The following HECTD2 variants were observed in gnomAD, a reference collection of about 807,000 sequenced individuals.
The protein encoded by HECTD2 is HECT domain E3 ubiquitin protein ligase 2, also known as probable E3 ubiquitin-protein ligase HECTD2.
Under a neutral mutation model 103.2 loss-of-function variants are expected in HECTD2, and 35 were observed. That is an observed-to-expected ratio of 0.34 (90% CI 0.26 to 0.45). The LOEUF (loss-of-function observed/expected upper bound fraction) is 0.45, where lower values mean the gene tolerates loss of function less well. HECTD2 is among the 20% of genes least tolerant of loss of function. The pLI, the probability that HECTD2 is intolerant of heterozygous loss-of-function variation, is 1.00. For synonymous variants in HECTD2, 281 were observed against 329.9 expected (o/e 0.85, Z 1.61); for missense variants, 596 against 937.4 (o/e 0.64, Z 4.76).
rs568776981 is a variant in HECTD2 at position 91,514,812 on chromosome 10, T to C, written c.*2428T>C. ...TTGGGCAATTAATTAAAGCCATATG[T>C]TTAAAATATTTTATAAATGCAAGCT... On this transcript the variant is annotated 3_prime_UTR_variant, in exon 21 of 21. Coordinates refer to ENST00000298068, the MANE Select transcript of HECTD2 (RefSeq NM_182765.6). 2 of 152,542 alleles carry C rather than the reference T, an allele frequency of 1.3e-5. No homozygotes were observed. The highest frequency in any genetic ancestry group is 4.8e-5 in the African/African-American group (2 of 41,588). 9.4% of individuals were successfully genotyped at this position (152,542 alleles called of 1,614,324 possible).
intron 2 of HECTD2, among the ~76,000 whole-genome samples, chr10:91,429,800 T>A (rs915287263): frequency 1.3e-5 from 2 of 152,202 alleles, no homozygotes; most frequent in Admixed American, 1.3e-4. Context: ...TAGCGGTCTA[T>A]CAATTTTGTT....
At chr10:91,479,779 C>T (rs968149248) in intron 6 of HECTD2, among the ~76,000 whole-genome samples, 1 of 152,130 alleles carries the variant, frequency 6.6e-6, no homozygotes, top group Non-Finnish European at 1.5e-5. Context: ...ATGTATACTT[C>T]TAACAGCAGA....
intron 5 of HECTD2, among the ~76,000 whole-genome samples, chr10:91,470,194 C>T (rs1319869475): frequency 6.6e-6 from 1 of 152,158 alleles, no homozygotes; most frequent in Non-Finnish European, 1.5e-5. Flanking sequence ...GGGACCTGAA[C>T]TTGTCATTTG....
chr10:91,413,016 A>G (rs1842986584), intron 1 of HECTD2, among the ~76,000 whole-genome samples: 1 of 152,120 alleles, frequency 6.6e-6, no homozygotes, highest in Non-Finnish European at 1.5e-5. Context: ...TTTCTTTGAG[A>G]CATTCCAGTG....
intron 11 of HECTD2, chr10:91,489,778 C>A (rs1299715810): frequency 6.6e-6 from 1 of 152,038 alleles, no homozygotes; most frequent in East Asian, 1.9e-4. Context: ...GGAGAAAGCT[C>A]CAAATTAGTG....
chr10:91,480,542 T>A (rs1199238916), intron 6 of HECTD2, among the ~76,000 whole-genome samples: 1 of 152,076 alleles, frequency 6.6e-6, no homozygotes, highest in African/African-American at 2.4e-5. Flanking sequence ...AAACACTCAT[T>A]AGCCTTGAGA....
intron 2 of HECTD2, among the ~76,000 whole-genome samples, chr10:91,438,258 G>A (rs1264176689): frequency 2.0e-5 from 3 of 152,096 alleles, no homozygotes. Context: ...ACAGGTCCTG[G>A]TGTGTGATGT....
In HECTD2 at chr10:91,429,404, G is replaced by A. The variant is rs972457716; in HGVS notation, c.268+3994G>A. Among the ~76,000 whole-genome samples the A allele has an allele frequency of 4.3e-4, 66 of 152,022 alleles. 1 individual carries two copies. Among genetic ancestry groups the A allele is most frequent in the Non-Finnish European group, 6.3e-4 (43 of 67,982 alleles). ...GATGCTGGCCTCATAAAATGAGTTA[G>A]GGAGGATTCCCTCTTTTTCTATTCA... On this transcript the variant is annotated intron_variant, in intron 2 of 20. Transcript: ENST00000298068.
intron 5 of HECTD2, chr10:91,462,418 A>AT: frequency 8.1e-7 from 1 of 1,233,936 alleles, no homozygotes; most frequent in Non-Finnish European, 1.0e-6. Context: ...AGACTTGCTA[A>AT]AATCATGCTT....
intron 2 of HECTD2, among the ~76,000 whole-genome samples, chr10:91,432,893 A>C (rs1843950944): frequency 6.6e-6 from 1 of 151,998 alleles, no homozygotes; most frequent in South Asian, 2.1e-4. Context: ...TCTTCAGCTG[A>C]AATCGCAATT....
chr10:91,417,167 ACT>A (rs1184008477), intron 1 of HECTD2, among the ~76,000 whole-genome samples: 1 of 151,998 alleles, frequency 6.6e-6, no homozygotes, highest in Non-Finnish European at 1.5e-5. Flanking sequence ...TTTGTAGTTA[ACT>A]CTGAGTGAAG....
At chr10:91,434,234 A>G (rs986045265) in intron 2 of HECTD2, among the ~76,000 whole-genome samples, 26 of 151,968 alleles carry the variant, frequency 1.7e-4, no homozygotes, top group African/African-American at 5.8e-4. Flanking sequence ...CCTATAGACA[A>G]TGATGTAAAA....
intron 20 of HECTD2, among the ~76,000 whole-genome samples, chr10:91,508,874 C>G (rs1489836147): frequency 6.6e-6 from 1 of 151,830 alleles, no homozygotes; most frequent in Non-Finnish European, 1.5e-5. Context: ...GGAACCAACC[C>G]AAATGTCCAA....
intron 5 of HECTD2, among the ~76,000 whole-genome samples, chr10:91,475,202 GA>G (rs1483791428): frequency 1.3e-5 from 2 of 152,186 alleles, no homozygotes; most frequent in African/African-American, 4.8e-5. Flanking sequence ...CAAGAGAAAG[GA>G]GTTAGGAAGG....
chr10:91,417,609 T>G (rs1182333245), intron 1 of HECTD2, among the ~76,000 whole-genome samples: 1 of 150,000 alleles, frequency 6.7e-6, no homozygotes, highest in African/African-American at 2.4e-5. Flanking sequence ...AGTGAGAACA[T>G]GCGGTGTTTG....
intron 2 of HECTD2, 41 bp from the exon 3 acceptor site, chr10:91,460,386 T>G (rs2133199830): frequency 6.7e-7 from 1 of 1,486,514 alleles, no homozygotes. Context: ...TTTGAAAAGT[T>G]TAATGATTCA....
chr10:91,452,068 CAG>C (rs1844858328), intron 2 of HECTD2, among the ~76,000 whole-genome samples: 1 of 151,904 alleles, frequency 6.6e-6, no homozygotes, highest in Non-Finnish European at 1.5e-5. Context: ...AACTGGAAGA[CAG>C]AACAATAGAA....
intron 20 of HECTD2, among the ~76,000 whole-genome samples, chr10:91,510,116 T>C (rs1190012502): frequency 6.6e-6 from 1 of 152,198 alleles, no homozygotes; most frequent in Non-Finnish European, 1.5e-5. Context: ...TAGGACCAGA[T>C]GCCTTCTCCC....
At chr10:91,465,668 CT>C (rs1845506627) in intron 5 of HECTD2, among the ~76,000 whole-genome samples, 1 of 151,494 alleles carries the variant, frequency 6.6e-6, no homozygotes, top group South Asian at 2.1e-4. Context: ...TCAACTGTTT[CT>C]TTTGCATCTA....
Sources: gnomAD v4.1 joint callset for allele counts (sites outside exome capture counted in the v4.1 genomes callset) on GRCh38, gnomAD v4.1.1 for gene constraint, MANE v1.5 for transcripts, NCBI Gene and HGNC (gene_info 2026-07-23, HGNC 2026-07-21) for gene names.